Variants in ENPEP observed in about 807,000 individuals in gnomAD.
ENPEP encodes glutamyl aminopeptidase, also known as AP-A.
In ENPEP, 103 loss-of-function variants were observed where a neutral mutation model predicts 114.5. The ratio of observed to expected loss-of-function variants is 0.90; its 90% CI spans 0.77 to 1.06. The LOEUF (loss-of-function observed/expected upper bound fraction) is 1.06. Among genes scored for constraint, ENPEP ranks in the 50% least tolerant of loss-of-function variants. The pLI is 0.00. For missense variants in ENPEP, 1,196 were observed against 1,161.3 expected (o/e 1.03, Z -0.43); for synonymous variants, 420 against 422.0 (o/e 1.00, Z 0.06).
Position 110,516,464 on chromosome 4 carries a change from A to T in ENPEP, c.1509+1022A>T, listed in dbSNP as rs1209564981. 5.3e-5 allele frequency among the ~76,000 whole-genome samples: 8 copies of T among 152,126 alleles called. 1 individual carries two copies. Among genetic ancestry groups the T allele is most frequent in the Admixed American group, 2.6e-4 (4 of 15,272 alleles). ...TCTTCCTACTCTTTCCCTTCCACCT[A>T]CATCCTGCCTGCTGCGATAACCCAG... is the stretch of plus-strand genomic sequence containing the variant. On this transcript the variant is annotated intron_variant, in intron 8 of 19. Coordinates refer to ENST00000265162, the MANE Select transcript of ENPEP (RefSeq NM_001977.4).
intron 1 of ENPEP, among the ~76,000 whole-genome samples, chr4:110,487,664 A>G (rs1391501892): frequency 6.6e-6 from 1 of 152,222 alleles, no homozygotes; most frequent in East Asian, 1.9e-4. Context: ...TTGTTTGTAC[A>G]AATTATTAAT....
At chr4:110,524,597 T>C (rs989798281) in intron 10 of ENPEP, among the ~76,000 whole-genome samples, 9 of 152,306 alleles carry the variant, frequency 5.9e-5, no homozygotes, top group Admixed American at 2.0e-4. Context: ...AACTCAAATA[T>C]AGTGTATCAA....
At chr4:110,556,574 T>C (rs1432083357) in intron 18 of ENPEP, among the ~76,000 whole-genome samples, 7 of 151,866 alleles carry the variant, frequency 4.6e-5, no homozygotes, top group Admixed American at 4.6e-4. Flanking sequence ...TGAACAGTCT[T>C]GTACACTGAA....
Position 110,563,657 on chromosome 4 carries a change from A to G in ENPEP, c.*2099A>G, listed in dbSNP as rs1727745612. The G allele has an allele frequency of 6.6e-6, 1 of 152,228 alleles. No individual in the cohort carries two copies. Among genetic ancestry groups the G allele is most frequent in the African/African-American group, 2.4e-5 (1 of 41,464 alleles). The allele number at this position is 152,228 out of a possible 1,614,324, so 9.4% of individuals were successfully genotyped here. A position where few individuals can be genotyped will look rare whatever the true frequency, so the allele number is the denominator to read the frequency against. On this transcript the variant is annotated 3_prime_UTR_variant, in exon 20 of 20. Coordinates refer to ENST00000265162, the MANE Select transcript of ENPEP (RefSeq NM_001977.4). ...ACAGTAAATTTAAATAATTAATTTT[A>G]ATTGAAAAAAAGTAACCATTTAATT...
At chr4:110,483,555 A>G (rs28457849) in intron 1 of ENPEP, among the ~76,000 whole-genome samples, 42,523 of 151,908 alleles carry the variant, frequency 0.28, 6,356 homozygotes, top group Non-Finnish European at 0.31. Context: ...AGTCACCTTG[A>G]TCTGATCCAC....
At chr4:110,499,855 AT>A (rs1385677279) in intron 3 of ENPEP, among the ~76,000 whole-genome samples, 2 of 152,106 alleles carry the variant, frequency 1.3e-5, no homozygotes, top group African/African-American at 4.8e-5. Flanking sequence ...GATGCAAAAT[AT>A]TTTTTCTATT....
chr4:110,530,771 A>T (rs1388501780), intron 10 of ENPEP, among the ~76,000 whole-genome samples: 1 of 152,198 alleles, frequency 6.6e-6, no homozygotes, highest in East Asian at 1.9e-4. Context: ...TTTCCTTCAC[A>T]GAGTTTACTA....
chr4:110,534,132 A>G (rs1726516685), intron 11 of ENPEP, among the ~76,000 whole-genome samples: 1 of 152,194 alleles, frequency 6.6e-6, no homozygotes, highest in Non-Finnish European at 1.5e-5. Flanking sequence ...CTAAATGGGC[A>G]ACCAGCTCAT....
intron 6 of ENPEP, among the ~76,000 whole-genome samples, chr4:110,511,979 A>G (rs1725594801): frequency 6.6e-6 from 1 of 151,958 alleles, no homozygotes; most frequent in Admixed American, 6.6e-5. Flanking sequence ...GGCCAGGCTG[A>G]TCTTGAACTC....
At chr4:110,545,976 G>T (rs976963797) in intron 13 of ENPEP, among the ~76,000 whole-genome samples, 1 of 152,026 alleles carries the variant, frequency 6.6e-6, no homozygotes, top group Non-Finnish European at 1.5e-5. Flanking sequence ...AGTTCCAGGA[G>T]ACACAGGTAA....
At chr4:110,508,379 T>C (rs951928228) in intron 4 of ENPEP, among the ~76,000 whole-genome samples, 3 of 152,160 alleles carry the variant, frequency 2.0e-5, no homozygotes, top group Middle Eastern at 3.4e-3. Flanking sequence ...GGGGAGATAC[T>C]TCTCTACTTT....
chr4:110,510,000 T>A (rs1725515780), intron 5 of ENPEP, among the ~76,000 whole-genome samples, 193 bp downstream of exon 5: 1 of 152,204 alleles, frequency 6.6e-6, no homozygotes, highest in Non-Finnish European at 1.5e-5. Flanking sequence ...CTTTAGGAAA[T>A]ATGCACGAGG....
At chr4:110,482,025 T>C (rs375545667) in intron 1 of ENPEP, among the ~76,000 whole-genome samples, 2 of 152,154 alleles carry the variant, frequency 1.3e-5, no homozygotes, top group Admixed American at 6.5e-5. Flanking sequence ...GCTAGCTAGA[T>C]ATCACTGAGG....
chr4:110,530,008 G>A (rs1337176890), intron 10 of ENPEP, among the ~76,000 whole-genome samples: 2 of 152,084 alleles, frequency 1.3e-5, no homozygotes, highest in Non-Finnish European at 2.9e-5. Context: ...CCTGGTAGGC[G>A]GAGGTTGCAG....
chr4:110,561,850 C>T lies in ENPEP; in HGVS notation c.*292C>T. The T allele has an allele frequency of 5.0e-6, 1 of 201,158 alleles. No individual in the cohort carries two copies. Among genetic ancestry groups the T allele is most frequent in the Non-Finnish European group, 9.9e-6 (1 of 100,706 alleles). 12.5% of individuals were successfully genotyped at this position (201,158 alleles called of 1,614,324 possible). On this transcript the variant is annotated 3_prime_UTR_variant, in exon 20 of 20. Coordinates refer to ENST00000265162, the MANE Select transcript of ENPEP (RefSeq NM_001977.4). ...TATTTTAATACCTTTAAATATCATT[C>T]TTTGTATCTTAAATCTGTGAAGTAG...
At chr4:110,534,888 A>G (rs1227517752) in intron 11 of ENPEP, among the ~76,000 whole-genome samples, 1 of 151,760 alleles carries the variant, frequency 6.6e-6, no homozygotes, top group African/African-American at 2.4e-5. Context: ...TGTCCACCCT[A>G]TTATCAACAA....
chr4:110,496,090 A>G (rs1724925917), intron 3 of ENPEP, among the ~76,000 whole-genome samples: 1 of 152,240 alleles, frequency 6.6e-6, no homozygotes, highest in Admixed American at 6.5e-5. Context: ...GAATAATTGC[A>G]TCTAGGATTC....
In ENPEP at chr4:110,517,128, C is replaced by T. The variant is rs183963354; in HGVS notation, c.1509+1686C>T. The stretch of plus-strand genomic sequence containing the variant: ...CTAATTTTTATATTTTTAGTAGAGA[C>T]GGGGTGTCGCCACGTTGCCCAGGCT... On this transcript the variant is annotated intron_variant, in intron 8 of 19. Transcript: ENST00000265162. 1.1e-4 allele frequency among the ~76,000 whole-genome samples: 17 copies of T among 152,032 alleles called. No individual in the cohort carries two copies. In the East Asian group the frequency reaches 1.5e-3, roughly 14 times the overall value.
intron 10 of ENPEP, among the ~76,000 whole-genome samples, chr4:110,530,549 A>G (rs1726371410): frequency 6.6e-6 from 1 of 152,240 alleles, no homozygotes; most frequent in Admixed American, 6.5e-5. Context: ...ATATATCAAA[A>G]TACAAAGTTA....
Sources: allele counts gnomAD v4.1 joint callset (sites outside exome capture counted in the v4.1 genomes callset), GRCh38; gene constraint gnomAD v4.1.1; transcripts MANE v1.5; gene names NCBI Gene and HGNC (gene_info 2026-07-23, HGNC 2026-07-21).